CACNB4: variants seen among roughly 807,000 people sequenced by gnomAD.
CACNB4 encodes the protein calcium voltage-gated channel auxiliary subunit beta 4, also known as voltage-dependent L-type calcium channel subunit beta-4.
CACNB4 carries 32 observed loss-of-function variants against 71.2 expected under a neutral mutation model. The ratio of observed to expected loss-of-function variants is 0.45; its 90% CI spans 0.34 to 0.60. CACNB4 has a LOEUF of 0.60. Ranked by LOEUF, CACNB4 falls within the 20% of genes least tolerant of loss-of-function variation. The probability of loss-of-function intolerance (pLI) is 0.01; values close to 1 mark genes in which losing one functional copy is unlikely to be tolerated. For missense variants in CACNB4, 464 were observed against 647.9 expected (o/e 0.72, Z 3.08); for synonymous variants, 231 against 236.9 (o/e 0.97, Z 0.23).
At chr2:152,067,385 G>T (rs1686398764) in intron 2 of CACNB4, among the ~76,000 whole-genome samples, 1 of 147,246 alleles carries the variant, frequency 6.8e-6, no homozygotes, top group African/African-American at 2.6e-5. Flanking sequence ...AGATGTGTGT[G>T]TGTGGGGGGG....
chr2:151,951,931 A>G (rs903200485), intron 2 of CACNB4, among the ~76,000 whole-genome samples: 1 of 152,212 alleles, frequency 6.6e-6, no homozygotes, highest in African/African-American at 2.4e-5. Flanking sequence ...GGAAAGTAGC[A>G]AGGCATAATT....
At chr2:151,948,586 A>G (rs1053387576) in intron 2 of CACNB4, among the ~76,000 whole-genome samples, 4 of 151,982 alleles carry the variant, frequency 2.6e-5, no homozygotes, top group Admixed American at 6.6e-5. Context: ...ATCTGAGCCT[A>G]GCAAGTCCAG....
chr2:151,968,749 C>A (rs2099871779), intron 2 of CACNB4: 1 of 152,174 alleles, frequency 6.6e-6, no homozygotes. Context: ...AAGGGAGTCA[C>A]AGGGCCATAT....
At position 152,060,509 on chromosome 2, in the gene CACNB4, G is replaced by A. The variant is rs1387308626; in HGVS notation, c.147+37821C>T. ...TATAGCATGCTATGAGGCTCAAAAT[G>A]TATCAAGGACTGTAAAAAAGCATAC... On this transcript the variant is annotated intron_variant, in intron 2 of 13. Transcript: ENST00000539935. Among the ~76,000 whole-genome samples the A allele has an allele frequency of 3.9e-5, 6 of 152,178 alleles. No homozygotes were observed. The South Asian group carries it at 6.2e-4, about 16-fold the overall frequency.
intron 2 of CACNB4, among the ~76,000 whole-genome samples, chr2:152,092,725 T>C (rs1378456975): frequency 1.3e-5 from 2 of 152,102 alleles, no homozygotes; most frequent in Admixed American, 1.3e-4. Context: ...TACTCTGTAG[T>C]ATAATATATA....
intron 2 of CACNB4, chr2:151,972,069 CAAAAAA>C (rs56104858): frequency 3.8e-4 from 42 of 110,782 alleles, no homozygotes; most frequent in Admixed American, 6.5e-4. Context: ...GACCCAAAGG[CAAAAAA>C]AAAAAAAAAA....
intron 2 of CACNB4, among the ~76,000 whole-genome samples, chr2:151,894,387 C>T (rs111371394): frequency 6.6e-6 from 1 of 152,108 alleles, no homozygotes; most frequent in African/African-American, 2.4e-5. Context: ...AAATTCAACA[C>T]CCTTCATGAT....
Position 151,841,911 on chromosome 2 carries a change from C to A in CACNB4, c.1294G>T (p.Gly432Trp). The stretch of plus-strand genomic sequence containing the variant: ...TGAAAAAGTGACAATACCTGTAACC[C>A]AGAAATTGCTGTGGGATATGGTGAG... ...ALSPYPTAIS[G>W]LQSQRMRHSN... Residue 432 changes from glycine (G) to tryptophan (W), a missense_variant, in exon 13 of 14, where the codon GGG (glycine) becomes TGG (tryptophan). Physicochemically the swap from Gly to Trp is radical, Grantham distance 184. Transcript: ENST00000539935. 6.2e-7 allele frequency: 1 copy of A among 1,613,314 alleles called. No homozygotes were observed. Among genetic ancestry groups the A allele is most frequent in the Non-Finnish European group, 8.5e-7 (1 of 1,179,710 alleles).
At chr2:152,022,075 C>G (rs1219014495) in intron 2 of CACNB4, among the ~76,000 whole-genome samples, 1 of 152,184 alleles carries the variant, frequency 6.6e-6, no homozygotes, top group African/African-American at 2.4e-5. Context: ...TGCACATGAG[C>G]TCATCAAGTA....
At chr2:152,085,891 G>T in intron 2 of CACNB4, among the ~76,000 whole-genome samples, 1 of 145,020 alleles carries the variant, frequency 6.9e-6, no homozygotes, top group Non-Finnish European at 1.5e-5. Flanking sequence ...AAATAAAATA[G>T]CAAATTTTAT....
chr2:152,037,775 G>A (rs1684672465), intron 2 of CACNB4, among the ~76,000 whole-genome samples: 1 of 152,204 alleles, frequency 6.6e-6, no homozygotes, highest in Non-Finnish European at 1.5e-5. Flanking sequence ...AAGGGAGGAG[G>A]GAAGATTTTT....
intron 2 of CACNB4, among the ~76,000 whole-genome samples, chr2:152,088,329 T>C (rs908250257): frequency 1.3e-5 from 2 of 152,196 alleles, no homozygotes; most frequent in African/African-American, 4.8e-5. Flanking sequence ...GAAGACGATA[T>C]ATTTATCTGC....
At position 152,032,811 on chromosome 2, in the gene CACNB4, G is replaced by C. The variant is rs1330484065; in HGVS notation, c.147+65519C>G. 3.3e-5 allele frequency among the ~76,000 whole-genome samples: 5 copies of C among 152,174 alleles called. No homozygotes were observed. In the East Asian group the frequency reaches 9.7e-4, roughly 29 times the overall value. On this transcript the variant is annotated intron_variant, in intron 2 of 13. Coordinates refer to ENST00000539935, the MANE Select transcript of CACNB4 (RefSeq NM_000726.5). ...CTCTACAAAAACAAAAAAATTAGCTGGGTATGTTGGCATACGCCTATAGTC... is the reference window on the plus strand; with the variant it reads ...CTCTACAAAAACAAAAAAATTAGCTCGGTATGTTGGCATACGCCTATAGTC...
chr2:151,956,469 T>C (rs2099868291), intron 2 of CACNB4, among the ~76,000 whole-genome samples: 1 of 152,182 alleles, frequency 6.6e-6, no homozygotes, highest in Non-Finnish European at 1.5e-5. Flanking sequence ...GTTCCCAATG[T>C]ACGAAATATC....
intron 2 of CACNB4, among the ~76,000 whole-genome samples, chr2:152,083,218 G>C (rs1687456361): frequency 6.6e-6 from 1 of 152,128 alleles, no homozygotes; most frequent in Non-Finnish European, 1.5e-5. Context: ...ATGTATGTGT[G>C]TGTATGCATA....
At chr2:151,896,868 C>T (rs2099852219) in intron 2 of CACNB4, among the ~76,000 whole-genome samples, 1 of 152,210 alleles carries the variant, frequency 6.6e-6, no homozygotes. Context: ...TCATTATCCA[C>T]ACTGAAGTAA....
At chr2:151,948,136 C>A (rs1560049343) in intron 2 of CACNB4, among the ~76,000 whole-genome samples, 1 of 152,116 alleles carries the variant, frequency 6.6e-6, no homozygotes. Flanking sequence ...AAACTAGGAA[C>A]AAACCGGGTG....
intron 6 of CACNB4, 94 bp from the exon 7 acceptor site, chr2:151,870,955 CCTGTA>C: frequency 2.2e-6 from 2 of 902,158 alleles, no homozygotes; most frequent in South Asian, 3.3e-5. Context: ...CCCATTTGTC[CCTGTA>C]ATTATCTTCA....
intron 9 of CACNB4, chr2:151,866,815 T>C (rs1053337064): frequency 2.6e-5 from 4 of 151,998 alleles, no homozygotes; most frequent in African/African-American, 9.7e-5. Context: ...AGCTATTACT[T>C]TTGCTACTGC....
Sources: allele counts gnomAD v4.1 joint callset (sites outside exome capture counted in the v4.1 genomes callset), GRCh38; gene constraint gnomAD v4.1.1; transcripts MANE v1.5; gene names NCBI Gene and HGNC (gene_info 2026-07-23, HGNC 2026-07-21).